The following ADAMTSL1 variants were observed in gnomAD, a reference collection of about 807,000 sequenced individuals.
ADAMTSL1 encodes ADAMTS-like protein 1.
Under a neutral mutation model 201.8 loss-of-function variants are expected in ADAMTSL1, and 126 were observed. The observed-to-expected ratio is 0.62, with a 90% CI of 0.54 to 0.72. The LOEUF is 0.72. Among genes scored for constraint, ADAMTSL1 ranks in the 30% least tolerant of loss-of-function variants. The pLI, the probability that ADAMTSL1 is intolerant of heterozygous loss-of-function variation, is 0.00. For missense variants in ADAMTSL1, 2,679 were observed against 2,277.8 expected, an observed-to-expected ratio of 1.18 and a Z score of -3.59; for synonymous variants, 1,121 against 903.4, an observed-to-expected ratio of 1.24 and a Z score of -4.32.
chr9:18,649,197 G>A (rs1285699687), intron 7 of ADAMTSL1, among the ~76,000 whole-genome samples: 1 of 152,158 alleles, frequency 6.6e-6, no homozygotes, highest in African/African-American at 2.4e-5. Context: ...TGAGGCTTCT[G>A]CATTCTCCAC....
chr9:18,484,442 G>T (rs985701468), intron 1 of ADAMTSL1, among the ~76,000 whole-genome samples: 1 of 152,100 alleles, frequency 6.6e-6, no homozygotes, highest in Non-Finnish European at 1.5e-5. Flanking sequence ...TATATTTAAG[G>T]TCATTTCTTT....
intron 23 of ADAMTSL1, among the ~76,000 whole-genome samples, chr9:18,886,768 A>G (rs186844357): frequency 1.1e-4 from 17 of 152,340 alleles, no homozygotes; most frequent in Admixed American, 7.8e-4. Flanking sequence ...CTCTGATACC[A>G]TCACCTTGGT....
chr9:18,812,780 T>G (rs1823582026), intron 20 of ADAMTSL1, among the ~76,000 whole-genome samples: 2 of 152,158 alleles, frequency 1.3e-5, no homozygotes, highest in Non-Finnish European at 2.9e-5. Flanking sequence ...CTGTCCTTTC[T>G]CTGTTCTGTG....
Position 18,032,392 on chromosome 9 carries a change from T to C in ADAMTSL1, c.87+125470T>C, listed in dbSNP as rs893630431. On this transcript the variant is annotated intron_variant, in intron 1 of 29. Transcript: ENST00000680146. ...GACCCTCAGGACTGAGTACTGGCTG[T>C]GCTGAGGAGTCCGAACTGCTCTCAG... Among the ~76,000 whole-genome samples the C allele has an allele frequency of 1.7e-4, 26 of 152,182 alleles. 1 individual carries two copies. Among genetic ancestry groups the C allele is most frequent in the Admixed American group, 9.2e-4 (14 of 15,284 alleles).
chr9:18,744,034 G>T, intron 15 of ADAMTSL1, among the ~76,000 whole-genome samples: 1 of 152,192 alleles, frequency 6.6e-6, no homozygotes, highest in Admixed American at 6.5e-5. Context: ...TTGTTTCTCT[G>T]AGCCTTGGCT....
At chr9:18,663,466 A>G (rs1017539132) in intron 9 of ADAMTSL1, among the ~76,000 whole-genome samples, 2 of 152,124 alleles carry the variant, frequency 1.3e-5, no homozygotes, top group Admixed American at 1.3e-4. Flanking sequence ...AAGGGTTTGA[A>G]CTTTTTAGCC....
At chr9:18,505,835 T>C (rs1333555712) in intron 2 of ADAMTSL1, among the ~76,000 whole-genome samples, 1 of 152,198 alleles carries the variant, frequency 6.6e-6, no homozygotes, top group Non-Finnish European at 1.5e-5. Flanking sequence ...CAGAAAGTGG[T>C]GAGACAGAGG....
At chr9:18,068,093 G>A (rs377675403) in intron 1 of ADAMTSL1, among the ~76,000 whole-genome samples, 51 of 152,276 alleles carry the variant, frequency 3.3e-4, no homozygotes, top group African/African-American at 1.2e-3. Context: ...CTGCCCGGAG[G>A]CATAGTGATG....
At chr9:18,396,697 A>T (rs144899600) in intron 2 of ADAMTSL1, among the ~76,000 whole-genome samples, 1 of 151,894 alleles carries the variant, frequency 6.6e-6, no homozygotes, top group South Asian at 2.1e-4. Flanking sequence ...GCACAAAACT[A>T]TGTCCTTGCT....
chr9:18,813,797 C>G (rs897772384), intron 20 of ADAMTSL1, among the ~76,000 whole-genome samples: 5 of 152,136 alleles, frequency 3.3e-5, no homozygotes, highest in African/African-American at 1.2e-4. Flanking sequence ...TTTGAATGCC[C>G]TTTATATGGT....
intron 1 of ADAMTSL1, among the ~76,000 whole-genome samples, chr9:18,144,967 A>G (rs1826568495): frequency 6.6e-6 from 1 of 152,204 alleles, no homozygotes; most frequent in African/African-American, 2.4e-5. Flanking sequence ...TGCCTCATAA[A>G]GATGCAAATG....
intron 20 of ADAMTSL1, among the ~76,000 whole-genome samples, chr9:18,809,400 T>C (rs1257592762): frequency 6.6e-6 from 1 of 152,188 alleles, no homozygotes; most frequent in Admixed American, 6.5e-5. Flanking sequence ...GGAAGGCCAG[T>C]GTGCTGGAGC....
chr9:18,422,040 G>T (rs1818976518), intron 2 of ADAMTSL1, among the ~76,000 whole-genome samples: 1 of 152,054 alleles, frequency 6.6e-6, no homozygotes, highest in African/African-American at 2.4e-5. Context: ...ATAAAATAAT[G>T]GTAGTCATTT....
intron 3 of ADAMTSL1, among the ~76,000 whole-genome samples, chr9:18,566,967 C>A (rs1336387023): frequency 1.3e-5 from 2 of 152,120 alleles, no homozygotes; most frequent in African/African-American, 2.4e-5. Flanking sequence ...AAATATGGCT[C>A]TAAGGCAGTG....
intron 1 of ADAMTSL1, among the ~76,000 whole-genome samples, chr9:18,151,512 GT>G (rs371922499): frequency 0.052 from 7,682 of 147,928 alleles, 210 homozygotes; most frequent in Non-Finnish European, 0.061. Flanking sequence ...ATTTGAAGTT[GT>G]TTTTTTTTTA....
intron 2 of ADAMTSL1, among the ~76,000 whole-genome samples, chr9:18,245,545 T>C (rs970286129): frequency 8.6e-5 from 13 of 151,848 alleles, no homozygotes; most frequent in African/African-American, 3.1e-4. Context: ...AATTATGGGG[T>C]TGAGAAAAAA....
At chr9:18,147,170 G>T (rs1466608065) in intron 1 of ADAMTSL1, among the ~76,000 whole-genome samples, 2 of 152,072 alleles carry the variant, frequency 1.3e-5, no homozygotes, top group Admixed American at 6.6e-5. Context: ...GTTTGACCAA[G>T]TATAAAATAT....
At chr9:18,819,881 C>G (rs1203120058) in intron 21 of ADAMTSL1, among the ~76,000 whole-genome samples, 1 of 152,248 alleles carries the variant, frequency 6.6e-6, no homozygotes, top group South Asian at 2.1e-4. Flanking sequence ...CATCTGTGAG[C>G]TTAGTCTCCA....
intron 9 of ADAMTSL1, among the ~76,000 whole-genome samples, chr9:18,669,421 T>C (rs1829673943): frequency 6.6e-6 from 1 of 152,244 alleles, no homozygotes; most frequent in African/African-American, 2.4e-5. Flanking sequence ...CTTCAGTATT[T>C]AGTTTATTAC....
Sources: allele counts gnomAD v4.1 joint callset (sites outside exome capture counted in the v4.1 genomes callset), GRCh38; gene constraint gnomAD v4.1.1; transcripts MANE v1.5; gene names NCBI Gene and HGNC (gene_info 2026-07-23, HGNC 2026-07-21).